The following SNX25 variants were observed in gnomAD, a reference collection of about 807,000 sequenced individuals.
SNX25 encodes sorting nexin 25, also known as sorting nexin-25.
A neutral mutation model predicts 113.7 loss-of-function variants in SNX25; 62 were observed. The observed-to-expected ratio is 0.55, with a 90% CI of 0.44 to 0.67. SNX25 has a LOEUF of 0.67. SNX25 is among the 30% of genes least tolerant of loss of function. The pLI is 0.00. For synonymous variants in SNX25, 421 were observed against 436.2 expected (o/e 0.97, Z 0.43); for missense variants, 1,014 against 1,161.0 (o/e 0.87, Z 1.84).
At chr4:185,240,717 C>T (rs1743753023) in intron 1 of SNX25, among the ~76,000 whole-genome samples, 1 of 151,866 alleles carries the variant, frequency 6.6e-6, no homozygotes, top group African/African-American at 2.4e-5. Flanking sequence ...ACCTCCCTCC[C>T]AGACGGGGTG....
intron 9 of SNX25, among the ~76,000 whole-genome samples, chr4:185,325,177 A>G (rs2095147982): frequency 6.6e-6 from 1 of 152,160 alleles, no homozygotes; most frequent in South Asian, 2.1e-4. Context: ...TTCCTCACCC[A>G]ATGAGAGGCA....
intron 1 of SNX25, among the ~76,000 whole-genome samples, chr4:185,246,772 C>G (rs751716877): frequency 5.9e-5 from 9 of 152,138 alleles, no homozygotes; most frequent in African/African-American, 1.2e-4. Flanking sequence ...TTTAGAGAAG[C>G]CTTTTCCATT....
intron 6 of SNX25, among the ~76,000 whole-genome samples, chr4:185,288,604 G>A (rs1009919501): frequency 8.0e-6 from 1 of 125,018 alleles, no homozygotes; most frequent in Admixed American, 8.6e-5. Flanking sequence ...TGTAGGTTTT[G>A]TTGGGGGGTG....
rs2095202553 is a variant in SNX25 at position 185,332,525 on chromosome 4, A to G, written c.1750-70A>G. ...GGAATGTAGTATTTTGCAACAGGGT[A>G]TCGTGACCGATAATAATTACTGAAT... On this transcript the variant is annotated intron_variant, in intron 9 of 18. Coordinates refer to ENST00000652585, the MANE Select transcript of SNX25 (RefSeq NM_001378034.2). The G allele has an allele frequency of 2.1e-6, 3 of 1,430,156 alleles. No homozygotes were observed. The South Asian group carries it at 4.9e-5, about 23-fold the overall frequency. 88.6% of individuals were successfully genotyped at this position (1,430,156 alleles called of 1,614,324 possible).
Position 185,302,808 on chromosome 4 carries a change from C to T in SNX25, c.1163-7827C>T, listed in dbSNP as rs184386832. Among the ~76,000 whole-genome samples the T allele has an allele frequency of 8.7e-4, 132 of 152,310 alleles. 1 individual carries two copies. Among genetic ancestry groups the T allele is most frequent in the Middle Eastern group, 3.4e-3 (1 of 294 alleles). ...TTTCCCTGCCATTGCCCCAAGGGCT[C>T]TTGCGAGGGTTCCTCCCTGCCCAGT... On this transcript the variant is annotated intron_variant, in intron 6 of 18. Transcript: ENST00000652585.
chr4:185,283,969 CAAAG>C (rs1382130682), intron 5 of SNX25, among the ~76,000 whole-genome samples: 1 of 152,112 alleles, frequency 6.6e-6, no homozygotes, highest in Admixed American at 6.5e-5. Context: ...GCATGAATCA[CAAAG>C]AATATCAAAA....
intron 3 of SNX25, among the ~76,000 whole-genome samples, chr4:185,262,449 AAG>A (rs1230240787): frequency 1.1e-4 from 17 of 152,202 alleles, no homozygotes; most frequent in African/African-American, 3.9e-4. Context: ...GAGGGAAAAA[AAG>A]AATGTTTTTA....
intron 6 of SNX25, among the ~76,000 whole-genome samples, chr4:185,294,831 T>A (rs76633960): frequency 6.6e-6 from 1 of 152,090 alleles, no homozygotes; most frequent in Non-Finnish European, 1.5e-5. Context: ...TTTTTTTTTT[T>A]AAGAAAAAAT....
chr4:185,371,554 A>T (rs2095416045), downstream of SNX25, among the ~76,000 whole-genome samples: 1 of 151,692 alleles, frequency 6.6e-6, no homozygotes, highest in South Asian at 2.1e-4. Context: ...AAAAAAAAAA[A>T]AAAAAAAAAG....
chr4:185,351,184 G>C (rs2095313190), intron 13 of SNX25, among the ~76,000 whole-genome samples: 1 of 152,234 alleles, frequency 6.6e-6, no homozygotes, highest in Non-Finnish European at 1.5e-5. Flanking sequence ...AGCGGAGTGA[G>C]TTCTGCCTTT....
rs2095298400 is a variant in SNX25 at position 185,348,357 on chromosome 4, GA to G, written c.2301+1708del. ...TGACATTGCACTTGTACATATTTAT[GA>G]GGTACAGTTTGGCATTTTGATACAT... On this transcript the variant is annotated intron_variant, in intron 13 of 18. Transcript: ENST00000652585. 2.6e-5 allele frequency among the ~76,000 whole-genome samples: 4 copies of G among 152,178 alleles called. No homozygotes were observed. In the South Asian group the frequency reaches 6.2e-4, roughly 24 times the overall value.
chr4:185,240,203 T>A (rs2126453820), intron 1 of SNX25, among the ~76,000 whole-genome samples: 1 of 152,232 alleles, frequency 6.6e-6, no homozygotes, highest in African/African-American at 2.4e-5. Flanking sequence ...GATTTCTCAG[T>A]CTTTTCCCCA....
At chr4:185,255,117 A>G (rs11132296) in intron 2 of SNX25, among the ~76,000 whole-genome samples, 51,581 of 151,868 alleles carry the variant, frequency 0.34, 10,629 homozygotes, top group East Asian at 0.57. Context: ...TATATTTAGA[A>G]TCATGGCTTT....
intron 9 of SNX25, among the ~76,000 whole-genome samples, chr4:185,325,164 A>G (rs1336504149): frequency 6.6e-6 from 1 of 152,168 alleles, no homozygotes; most frequent in Non-Finnish European, 1.5e-5. Context: ...GATAGAAACA[A>G]CATTCCTCAC....
intron 9 of SNX25, among the ~76,000 whole-genome samples, chr4:185,330,683 C>T (rs2095188214): frequency 1.3e-5 from 2 of 152,130 alleles, no homozygotes; most frequent in South Asian, 4.1e-4. Flanking sequence ...TCTTTCTGCC[C>T]AGTTCACTAT....
intron 9 of SNX25, among the ~76,000 whole-genome samples, chr4:185,329,535 C>T (rs1303769071): frequency 2.6e-5 from 4 of 152,208 alleles, no homozygotes; most frequent in Non-Finnish European, 5.9e-5. Flanking sequence ...AGGATCAGGA[C>T]AGCAGACCTG....
chr4:185,267,869 AAAGT>A (rs1748359995), intron 5 of SNX25, among the ~76,000 whole-genome samples: 1 of 152,216 alleles, frequency 6.6e-6, no homozygotes, highest in African/African-American at 2.4e-5. Context: ...TTCTTACAAT[AAAGT>A]AAGCTGGAGA....
At position 185,315,451 on chromosome 4, in the gene SNX25, G is replaced by A. The variant is rs1397062193; in HGVS notation, c.1344+4635G>A. On this transcript the variant is annotated intron_variant, in intron 7 of 18. Transcript: ENST00000652585. ...TGGAATTACAGGCGTGCACCACCACGCCCAGCTAATGTTTGTATTTTTAGT... is the reference window on the plus strand; with the variant it reads ...TGGAATTACAGGCGTGCACCACCACACCCAGCTAATGTTTGTATTTTTAGT... Among the ~76,000 whole-genome samples the A allele has an allele frequency of 2.6e-5, 4 of 151,710 alleles. No homozygotes were observed. In the South Asian group the frequency reaches 6.3e-4, roughly 24 times the overall value.
chr4:185,370,805 G>A, downstream of SNX25: 4 of 1,614,104 alleles, frequency 2.5e-6, no homozygotes, highest in Non-Finnish European at 3.4e-6. Flanking sequence ...CCTCATCATA[G>A]TCAGCGATCC....
Sources: allele counts gnomAD v4.1 joint callset (sites outside exome capture counted in the v4.1 genomes callset), GRCh38; gene constraint gnomAD v4.1.1; transcripts MANE v1.5; gene names NCBI Gene and HGNC (gene_info 2026-07-23, HGNC 2026-07-21).